SHISA9: variants seen among roughly 807,000 people sequenced by gnomAD.
The protein encoded by SHISA9 is shisa family member 9.
A neutral mutation model predicts 38.0 loss-of-function variants in SHISA9; 13 were observed. The ratio of observed to expected loss-of-function variants is 0.34; its 90% CI spans 0.22 to 0.54. The LOEUF (loss-of-function observed/expected upper bound fraction) is 0.54, where lower values mean the gene tolerates loss of function less well. Among genes scored for constraint, SHISA9 ranks in the 20% least tolerant of loss-of-function variants. The probability of loss-of-function intolerance (pLI) is 0.91; values close to 1 mark genes in which losing one functional copy is unlikely to be tolerated. For synonymous variants in SHISA9, 275 were observed against 242.0 expected, an observed-to-expected ratio of 1.14 and a Z score of -1.27; for missense variants, 538 against 575.8, an observed-to-expected ratio of 0.93 and a Z score of 0.67.
chr16:13,221,725 A>G (rs543937297), intron 4 of SHISA9, among the ~76,000 whole-genome samples: 26 of 152,164 alleles, frequency 1.7e-4, no homozygotes, highest in Non-Finnish European at 3.5e-4. Context: ...CATTACAGTC[A>G]ATATTAGAAC....
chr16:12,939,015 G>T (rs1312516223), intron 2 of SHISA9, among the ~76,000 whole-genome samples: 1 of 152,008 alleles, frequency 6.6e-6, no homozygotes, highest in Non-Finnish European at 1.5e-5. Flanking sequence ...ATGTTTTGGG[G>T]GAAAAACTCC....
At chr16:13,264,620 A>G in the SHISA9 span, among the ~76,000 whole-genome samples, 1 of 152,048 alleles carries the variant, frequency 6.6e-6, no homozygotes, top group African/African-American at 2.4e-5. Flanking sequence ...CATTATTCTA[A>G]ACAGAATGTC....
At chr16:13,331,168 A>C in the SHISA9 span, among the ~76,000 whole-genome samples, 43 of 152,246 alleles carry the variant, frequency 2.8e-4, no homozygotes, top group East Asian at 7.7e-3. Context: ...AGACCCACGA[A>C]GTGTCCCATA....
At chr16:12,944,806 T>A (rs1362874665) in intron 2 of SHISA9, among the ~76,000 whole-genome samples, 1 of 152,154 alleles carries the variant, frequency 6.6e-6, no homozygotes, top group Non-Finnish European at 1.5e-5. Flanking sequence ...TGCCTTGGTT[T>A]GACTTTCCTA....
the SHISA9 span, among the ~76,000 whole-genome samples, chr16:13,354,204 C>G: frequency 2.8e-5 from 4 of 141,576 alleles, no homozygotes; most frequent in African/African-American, 7.9e-5. Context: ...TTATTTCCTT[C>G]AGGATAGATT....
chr16:13,141,711 T>A (rs183573714), intron 2 of SHISA9, among the ~76,000 whole-genome samples: 1 of 152,146 alleles, frequency 6.6e-6, no homozygotes. Context: ...AATAAAATAG[T>A]TTAGATTTAC....
chr16:13,154,061 T>C (rs2050522265), intron 2 of SHISA9, among the ~76,000 whole-genome samples: 1 of 152,144 alleles, frequency 6.6e-6, no homozygotes, highest in African/African-American at 2.4e-5. Flanking sequence ...AGGGAGATAA[T>C]TGCAGAGGCT....
At chr16:13,330,276 A>T in the SHISA9 span, among the ~76,000 whole-genome samples, 1 of 152,212 alleles carries the variant, frequency 6.6e-6, no homozygotes, top group South Asian at 2.1e-4. Context: ...TCATTTAATT[A>T]ATGTATAGCA....
chr16:13,520,734 G>C, the SHISA9 span, among the ~76,000 whole-genome samples: 5 of 151,774 alleles, frequency 3.3e-5, no homozygotes, highest in African/African-American at 1.2e-4. Context: ...GGAGGGGAAG[G>C]GGTCTGCGTC....
At chr16:13,424,741 A>G in the SHISA9 span, among the ~76,000 whole-genome samples, 1 of 152,224 alleles carries the variant, frequency 6.6e-6, no homozygotes, top group Non-Finnish European at 1.5e-5. Context: ...TGATATGTAA[A>G]CAAATCGGCA....
At chr16:13,366,029 A>G in the SHISA9 span, among the ~76,000 whole-genome samples, 1 of 152,202 alleles carries the variant, frequency 6.6e-6, no homozygotes, top group South Asian at 2.1e-4. Flanking sequence ...ATTGAAATAC[A>G]CAGAGCCCCT....
chr16:13,108,126 CTCCGG>C (rs2073944552), intron 2 of SHISA9, among the ~76,000 whole-genome samples: 2 of 151,312 alleles, frequency 1.3e-5, no homozygotes, highest in African/African-American at 4.9e-5. Context: ...GAGAGCCCCC[CTCCGG>C]CCCCACCCTG....
At chr16:13,247,014 A>C in the SHISA9 span, among the ~76,000 whole-genome samples, 1 of 150,012 alleles carries the variant, frequency 6.7e-6, no homozygotes, top group Non-Finnish European at 1.5e-5. Flanking sequence ...TAATATAATA[A>C]AAATAATAAT....
chr16:12,954,166 G>A (rs776651733), intron 2 of SHISA9, among the ~76,000 whole-genome samples: 3 of 152,154 alleles, frequency 2.0e-5, no homozygotes, highest in Non-Finnish European at 2.9e-5. Context: ...GGAAAATGAG[G>A]AAATAGGCCT....
At chr16:13,010,756 G>A (rs12446211) in intron 2 of SHISA9, among the ~76,000 whole-genome samples, 62,870 of 151,826 alleles carry the variant, frequency 0.41, 13,705 homozygotes, top group Middle Eastern at 0.53. Flanking sequence ...GTTCGAGACC[G>A]GTCTGGCCAA....
chr16:13,376,262 T>C, the SHISA9 span, among the ~76,000 whole-genome samples: 1 of 152,182 alleles, frequency 6.6e-6, no homozygotes, highest in East Asian at 1.9e-4. Context: ...TGGCAGTAAA[T>C]ATTTTGAGCA....
chr16:13,524,093 C>G, the SHISA9 span, among the ~76,000 whole-genome samples: 1 of 152,112 alleles, frequency 6.6e-6, no homozygotes, highest in Non-Finnish European at 1.5e-5. Flanking sequence ...AAATGATGTT[C>G]TTGACCATTA....
the SHISA9 span, among the ~76,000 whole-genome samples, chr16:13,475,166 G>A: frequency 6.6e-6 from 1 of 152,018 alleles, no homozygotes; most frequent in Admixed American, 6.6e-5. Flanking sequence ...AAGATGAAGG[G>A]ATGGAGATGA....
intron 2 of SHISA9, among the ~76,000 whole-genome samples, chr16:12,933,326 G>T (rs897710208): frequency 2.0e-5 from 3 of 150,808 alleles, no homozygotes; most frequent in South Asian, 2.1e-4. Flanking sequence ...ATGGAGTCTT[G>T]CTCTGCCACC....
Sources: gnomAD v4.1 joint callset for allele counts (sites outside exome capture counted in the v4.1 genomes callset) on GRCh38, gnomAD v4.1.1 for gene constraint, MANE v1.5 for transcripts, NCBI Gene and HGNC (gene_info 2026-07-23, HGNC 2026-07-21) for gene names.